PDXDC1: variants seen among roughly 807,000 people sequenced by gnomAD.
The protein encoded by PDXDC1 is pyridoxal-dependent decarboxylase domain-containing protein 1.
In PDXDC1, 42 loss-of-function variants were observed where a neutral mutation model predicts 100.1. That is an observed-to-expected ratio of 0.42 (90% CI 0.33 to 0.54). The LOEUF (loss-of-function observed/expected upper bound fraction) is 0.54, where lower values mean the gene tolerates loss of function less well. Among genes scored for constraint, PDXDC1 ranks in the 20% least tolerant of loss-of-function variants. PDXDC1 has a pLI of 0.10. For synonymous variants in PDXDC1, 260 were observed against 371.7 expected, an observed-to-expected ratio of 0.70 and a Z score of 3.46; for missense variants, 636 against 979.2, an observed-to-expected ratio of 0.65 and a Z score of 4.68.
chr16:15,110,488 G>A (rs1193572534), intron 16 of PDXDC1: 1 of 1,587,544 alleles, frequency 6.3e-7, no homozygotes, highest in South Asian at 1.1e-5. Flanking sequence ...TCATCTTACG[G>A]ATTTTAGCTC....
At chr16:15,128,451 G>C in intron 16 of PDXDC1, 2 of 950,526 alleles carry the variant, frequency 2.1e-6, no homozygotes, top group Non-Finnish European at 3.3e-6. Context: ...TGGCATCCCA[G>C]GCAAGTCATC....
chr16:15,081,743 T>C (rs925753126), intron 16 of PDXDC1, among the ~76,000 whole-genome samples: 1 of 152,256 alleles, frequency 6.6e-6, no homozygotes, highest in Non-Finnish European at 1.5e-5. Context: ...TGGAAATTAC[T>C]GCCTAAACCA....
the PDXDC1 span, among the ~76,000 whole-genome samples, chr16:15,144,500 T>C: frequency 1.6e-4 from 24 of 151,642 alleles, no homozygotes; most frequent in African/African-American, 4.6e-4. Context: ...GGGGTGGGGG[T>C]TGCAGCCTCT....
At chr16:15,135,967 C>G (rs1204803171) in intron 16 of PDXDC1, 8 of 1,575,786 alleles carry the variant, frequency 5.1e-6, no homozygotes, top group East Asian at 2.3e-5. Context: ...GCGCCGGGCA[C>G]CCCGGCTGGT....
At chr16:15,124,527 C>A (rs1172876947) in intron 16 of PDXDC1, among the ~76,000 whole-genome samples, 1 of 151,664 alleles carries the variant, frequency 6.6e-6, no homozygotes, top group Non-Finnish European at 1.5e-5. Context: ...GTAATCCCAG[C>A]ACTTTGGGAG....
At position 15,130,193 on chromosome 16, in the gene PDXDC1, G is replaced by A; in HGVS notation, c.1400-8686G>A. 3 of 1,548,110 alleles carry A rather than the reference G, an allele frequency of 1.9e-6. No individual in the cohort carries two copies. The South Asian group carries it at 3.6e-5, about 18-fold the overall frequency. On this transcript the variant is annotated intron_variant, in intron 16 of 16. Transcript: ENST00000535621. ...CTGCAGAGGCTCCCAGGAGCACAGG[G>A]TCACTCACAGGAAACACAAAGCGTA...
chr16:15,093,677 G>T (rs1338717294), intron 16 of PDXDC1, among the ~76,000 whole-genome samples: 1 of 152,190 alleles, frequency 6.6e-6, no homozygotes, highest in Non-Finnish European at 1.5e-5. Context: ...AGAGTGCTAC[G>T]GGGGTTAGGG....
chr16:15,084,375 C>T (rs1231714173), intron 16 of PDXDC1, among the ~76,000 whole-genome samples: 1 of 152,086 alleles, frequency 6.6e-6, no homozygotes, highest in Non-Finnish European at 1.5e-5. Flanking sequence ...TTTTGGATAG[C>T]ATATCTGTTG....
chr16:15,149,335 T>C, the PDXDC1 span, among the ~76,000 whole-genome samples: 1 of 152,190 alleles, frequency 6.6e-6, no homozygotes, highest in East Asian at 1.9e-4. Context: ...CGGGCTCCAG[T>C]GATAACGGAG....
the PDXDC1 span, among the ~76,000 whole-genome samples, chr16:15,148,438 C>A: frequency 8.1e-6 from 1 of 124,104 alleles, no homozygotes; most frequent in African/African-American, 3.1e-5. Flanking sequence ...GCCTGGAGTG[C>A]AGTGGTGTGA....
intron 16 of PDXDC1, chr16:15,127,292 T>G (rs2047788460): frequency 9.8e-6 from 6 of 609,326 alleles, no homozygotes; most frequent in Non-Finnish European, 1.5e-5. Context: ...CTTCTGAGTC[T>G]TCTCTCTTTC....
intron 16 of PDXDC1, among the ~76,000 whole-genome samples, chr16:15,076,881 C>T (rs1360850220): frequency 1.3e-5 from 2 of 152,050 alleles, no homozygotes; most frequent in Non-Finnish European, 2.9e-5. Flanking sequence ...TATATAAAAT[C>T]GACAACTATC....
chr16:15,051,199 G>A (rs564983409), intron 16 of PDXDC1, among the ~76,000 whole-genome samples: 13 of 152,230 alleles, frequency 8.5e-5, no homozygotes, highest in Non-Finnish European at 1.8e-4. Context: ...CCACTCAAAA[G>A]CAAAGCTATT....
At chr16:15,014,028 G>A (rs1379998363) in intron 8 of PDXDC1, among the ~76,000 whole-genome samples, 11 of 152,200 alleles carry the variant, frequency 7.2e-5, no homozygotes, top group African/African-American at 2.2e-4. Context: ...CCAAAATGGC[G>A]AAACCCTGTC....
intron 16 of PDXDC1, among the ~76,000 whole-genome samples, chr16:15,064,096 T>C (rs1403923882): frequency 1.3e-5 from 2 of 152,196 alleles, no homozygotes; most frequent in African/African-American, 2.4e-5. Flanking sequence ...AAAATCCTGC[T>C]TCCTTATACA....
chr16:15,126,125 C>G (rs2047708651), intron 16 of PDXDC1, among the ~76,000 whole-genome samples: 1 of 151,940 alleles, frequency 6.6e-6, no homozygotes, highest in Non-Finnish European at 1.5e-5. Context: ...ACCTCCACCT[C>G]CCGCGTTCAG....
chr16:15,091,136 A>T (rs1033682827), intron 16 of PDXDC1, among the ~76,000 whole-genome samples: 33 of 152,130 alleles, frequency 2.2e-4, no homozygotes, highest in Non-Finnish European at 1.0e-4. Flanking sequence ...AAATATCTGC[A>T]GCCATCACCA....
intron 16 of PDXDC1, among the ~76,000 whole-genome samples, chr16:15,050,495 G>A (rs2044251588): frequency 6.6e-6 from 1 of 152,190 alleles, no homozygotes; most frequent in Admixed American, 6.5e-5. Flanking sequence ...CACTTTGGGA[G>A]GCTGAGGAGG....
At chr16:14,987,989 ATTCTT>A (rs1969790488) in intron 1 of PDXDC1, among the ~76,000 whole-genome samples, 1 of 137,718 alleles carries the variant, frequency 7.3e-6, no homozygotes. Context: ...TCTTTATACA[ATTCTT>A]TTTTTTTTTT....
Sources: allele counts gnomAD v4.1 joint callset (sites outside exome capture counted in the v4.1 genomes callset), GRCh38; gene constraint gnomAD v4.1.1; transcripts MANE v1.5; gene names NCBI Gene and HGNC (gene_info 2026-07-23, HGNC 2026-07-21).